SLC29A1: variants seen among roughly 807,000 people sequenced by gnomAD.
The protein encoded by SLC29A1 is equilibrative nucleoside transporter 1.
In SLC29A1, 22 loss-of-function variants were observed where a neutral mutation model predicts 48.3. The observed-to-expected ratio is 0.46, with a 90% CI of 0.33 to 0.65. SLC29A1 has a LOEUF of 0.65. SLC29A1 is among the 30% of genes least tolerant of loss of function. SLC29A1 has a pLI of 0.03. For missense variants in SLC29A1, 491 were observed against 575.3 expected (o/e 0.85, Z 1.50); for synonymous variants, 228 against 231.0 (o/e 0.99, Z 0.12).
In SLC29A1 at chr6:44,232,892, C is replaced by A; in HGVS notation, c.1145C>A (p.Pro382His). Reference protein sequence around the residue: ...VPLLLLCNIKPRRYLTVVFEH... With the variant: ...VPLLLLCNIKHRRYLTVVFEH... Reference sequence around the variant, plus strand: ...CTGCTGCTGCTGTGCAACATTAAGCCCCGCCGCTACCTGACTGTGGTCTTC... The same window carrying A: ...CTGCTGCTGCTGTGCAACATTAAGCACCGCCGCTACCTGACTGTGGTCTTC... The change falls in exon 12 of 13, where the codon CCC becomes CAC. Residue 382 changes from proline to histidine, a missense_variant. Transcript: ENST00000371755. The surrounding 1 kb of genome is among the most constrained non-coding windows in gnomAD (Gnocchi z 4.7). 6.2e-7 allele frequency: 1 copy of A among 1,614,168 alleles called. No individual in the cohort carries two copies. Among genetic ancestry groups the A allele is most frequent in the Non-Finnish European group, 8.5e-7 (1 of 1,180,054 alleles).
chr6:44,229,662 C>T lies in SLC29A1; in HGVS notation c.185C>T (p.Ala62Val), dbSNP rs1228778375. 18 of 1,614,132 alleles carry T rather than the reference C, an allele frequency of 1.1e-5. No homozygotes were observed. Among genetic ancestry groups the T allele is most frequent in the Middle Eastern group, 1.6e-4 (1 of 6,062 alleles). Reference sequence around the variant, plus strand: ...GCTGAACTGAGCAAGGACGCCCAGGCGTCAGCCGCCCCTGCAGCACCCTTG... The same window carrying T: ...GCTGAACTGAGCAAGGACGCCCAGGTGTCAGCCGCCCCTGCAGCACCCTTG... ...VTAELSKDAQASAAPAAPLPE... is the reference protein window; with the variant it reads ...VTAELSKDAQVSAAPAAPLPE... The change falls in exon 4 of 13, where the codon GCG becomes GTG. Residue 62 changes from alanine (A) to valine (V), a missense_variant. Physicochemically the swap from Ala to Val is moderately conservative, Grantham distance 64 (BLOSUM62 0). Transcript: ENST00000371755. The surrounding 1 kb of genome is among the most constrained non-coding windows in gnomAD (Gnocchi z 5.1).
At chr6:44,225,973 G>C in intron 1 of SLC29A1, 1 of 243,840 alleles carries the variant, frequency 4.1e-6, no homozygotes, top group Non-Finnish European at 6.6e-6. Context: ...TGCTTGCAAG[G>C]CTTCTCAGAA....
chr6:44,220,585 C>T (rs1224322836), upstream of SLC29A1, among the ~76,000 whole-genome samples: 29 of 150,270 alleles, frequency 1.9e-4, no homozygotes, highest in African/African-American at 6.6e-4. Flanking sequence ...GAGGCCAAGG[C>T]GGGCGGATCA....
upstream of SLC29A1, among the ~76,000 whole-genome samples, chr6:44,222,573 C>T (rs1353895287): frequency 6.6e-6 from 1 of 152,080 alleles, no homozygotes; most frequent in Non-Finnish European, 1.5e-5. Flanking sequence ...CCTTTCCAGC[C>T]TTAGGATCAT....
At chr6:44,230,069 C>G in intron 5 of SLC29A1, 23 bp downstream of exon 5, 1 of 1,602,654 alleles carries the variant, frequency 6.2e-7, no homozygotes, top group Non-Finnish European at 8.5e-7. Context: ...AGGAGGGGGC[C>G]TATGGGAGGA....
intron 2 of SLC29A1, among the ~76,000 whole-genome samples, chr6:44,228,310 C>G (rs964421155): frequency 6.6e-6 from 1 of 152,228 alleles, no homozygotes; most frequent in Admixed American, 6.5e-5. Context: ...GTACTCCCCC[C>G]AACCCCGATC....
chr6:44,231,262 A>G (rs1778799118), intron 8 of SLC29A1, 102 bp from the exon 9 acceptor site: 4 of 763,290 alleles, frequency 5.2e-6, no homozygotes, highest in Non-Finnish European at 9.2e-6. Context: ...CTGGTTAAGG[A>G]GGCGTCTACT....
Position 44,232,200 on chromosome 6 carries a change from C to G in SLC29A1, c.973+94C>G, listed in dbSNP as rs1779048537. On this transcript the variant is annotated intron_variant, in intron 10 of 12. Coordinates refer to ENST00000371755, the MANE Select transcript of SLC29A1 (RefSeq NM_001372327.1). The surrounding 1 kb of genome is among the most constrained non-coding windows in gnomAD (Gnocchi z 4.7). ...GAGGGAGCCTGGGTCACCTTCTCCCCGTTTCCTGGGTCCATTTGCCCTTCC... is the reference window on the plus strand; with the variant it reads ...GAGGGAGCCTGGGTCACCTTCTCCCGGTTTCCTGGGTCCATTTGCCCTTCC... 3 of 1,176,878 alleles carry G rather than the reference C, an allele frequency of 2.5e-6. No homozygotes were observed. In the South Asian group the frequency reaches 3.7e-5, roughly 14 times the overall value. The allele number at this position is 1,176,878 out of a possible 1,614,324, so 72.9% of individuals were successfully genotyped here. A position where few individuals can be genotyped will look rare whatever the true frequency, so the allele number is the denominator to read the frequency against.
rs534121849 is a variant in SLC29A1, at chr6:44,229,189, C to A, written c.30-201C>A. Among the ~76,000 whole-genome samples the A allele has an allele frequency of 1.1e-3, 175 of 152,270 alleles. No homozygotes were observed. The highest frequency in any genetic ancestry group is 4.0e-3 in the African/African-American group (167 of 41,548). ...TTCAGTCCTATGACCCTGACCCCAT[C>A]CCCACCCCAAATTCCAACGAGCAAT... On this transcript the variant is annotated intron_variant, in intron 2 of 12. Coordinates refer to ENST00000371755, the MANE Select transcript of SLC29A1 (RefSeq NM_001372327.1). This position sits in a 1 kb window ranked among gnomAD's most constrained non-coding sequence, Gnocchi z 5.1.
rs1561881389 is a variant in SLC29A1, at chr6:44,229,569, C to CCT, written c.112-15_112-14dup. 6.2e-7 allele frequency: 1 copy of CCT among 1,612,964 alleles called. No individual in the cohort carries two copies. The highest frequency in any genetic ancestry group is 8.5e-7 in the Non-Finnish European group (1 of 1,179,016). ...GCACAGGGAAAGAGATTTCAACACT[C>CCT]CTCTCTGCAACCCCTGCAGTATTTC... On this transcript the variant is annotated intron_variant, in intron 3 of 12. Coordinates refer to ENST00000371755, the MANE Select transcript of SLC29A1 (RefSeq NM_001372327.1). This position sits in a 1 kb window ranked among gnomAD's most constrained non-coding sequence, Gnocchi z 5.1.
Position 44,232,800 on chromosome 6 carries a change from C to G in SLC29A1, c.1060-7C>G. 6.2e-7 allele frequency: 1 copy of G among 1,608,476 alleles called. No individual in the cohort carries two copies. The highest frequency in any genetic ancestry group is 1.8e-4 in the Middle Eastern group (1 of 5,646). On this transcript the variant is annotated splice_region_variant and splice_polypyrimidine_tract_variant and intron_variant, in intron 11 of 12. Coordinates refer to ENST00000371755, the MANE Select transcript of SLC29A1 (RefSeq NM_001372327.1). The surrounding 1 kb of genome is among the most constrained non-coding windows in gnomAD (Gnocchi z 4.7). The stretch of plus-strand genomic sequence containing the variant: ...GCCTGGGCTGAGGCCCTGCCTGGTG[C>G]CCACAGCCTGGGAAGGACAGCCGCT...
In SLC29A1 at chr6:44,229,760, T is replaced by G. The variant is rs1288547120; in HGVS notation, c.283T>G (p.Phe95Val). The change falls in exon 4 of 13, where the codon TTC (phenylalanine) becomes GTC (valine). Residue 95 changes from phenylalanine (F) to valine (V), a missense_variant. Phe to Val is a conservative substitution (Grantham distance 50). Transcript: ENST00000371755. This position sits in a 1 kb window ranked among gnomAD's most constrained non-coding sequence, Gnocchi z 5.1. ...TLCAMLPLLL[F>V]TYLNSFLHQR... ...ATGTGCCATGCTGCCCCTGCTGTTA[T>G]TCACCTACCTCAACTCCTTCCTGCA... The G allele has an allele frequency of 6.2e-7, 1 of 1,613,776 alleles. No individual in the cohort carries two copies. Among genetic ancestry groups the G allele is most frequent in the Non-Finnish European group, 8.5e-7 (1 of 1,180,024 alleles).
chr6:44,230,197 C>A, intron 5 of SLC29A1, 150 bp from the exon 6 acceptor site: 1 of 1,471,064 alleles, frequency 6.8e-7, no homozygotes, highest in Non-Finnish European at 9.4e-7. Context: ...CCTGAGTGGG[C>A]CTGGACCAGG....
chr6:44,222,783 T>C (rs911383695), upstream of SLC29A1, among the ~76,000 whole-genome samples: 1 of 152,178 alleles, frequency 6.6e-6, no homozygotes, highest in Non-Finnish European at 1.5e-5. Flanking sequence ...GCTGGGACAA[T>C]AGGATTCACT....
chr6:44,232,033 C>T lies in SLC29A1; in HGVS notation c.900C>T (p.Phe300=). Reference sequence around the variant, plus strand: ...TGGCTTTCTCTGTCTGCTTCATCTTCACTATCACCATTGGGATGTTTCCAG... The same window carrying T: ...TGGCTTTCTCTGTCTGCTTCATCTTTACTATCACCATTGGGATGTTTCCAG... ...SVLAFSVCFI[F]TITIGMFPAV... The change falls in exon 10 of 13, where the codon TTC becomes TTT. Residue 300 remains phenylalanine, a synonymous_variant. Transcript: ENST00000371755. The surrounding 1 kb of genome is among the most constrained non-coding windows in gnomAD (Gnocchi z 4.7). 6.2e-7 allele frequency: 1 copy of T among 1,613,994 alleles called. No individual in the cohort carries two copies. The highest frequency in any genetic ancestry group is 8.5e-7 in the Non-Finnish European group (1 of 1,179,888).
chr6:44,226,768 C>G (rs868252408), intron 1 of SLC29A1: 33 of 1,001,246 alleles, frequency 3.3e-5, no homozygotes, highest in Middle Eastern at 5.1e-4. Context: ...TCGATGTTGT[C>G]GCAGCTGCTG....
Position 44,233,571 on chromosome 6 carries a change from C to A in SLC29A1, c.*43C>A. 6.8e-7 allele frequency: 1 copy of A among 1,466,058 alleles called. No individual in the cohort carries two copies. Among genetic ancestry groups the A allele is most frequent in the African/African-American group, 1.4e-5 (1 of 72,222 alleles). The allele number at this position is 1,466,058 out of a possible 1,614,324, so 90.8% of individuals were successfully genotyped here. A position where few individuals can be genotyped will look rare whatever the true frequency, so the allele number is the denominator to read the frequency against. ...GACTGCCTGCCTCCCTCCCTGTCTG[C>A]CTCCTGCCCCTTCCTTCTGCCAGGG... On this transcript the variant is annotated 3_prime_UTR_variant, in exon 13 of 13. Coordinates refer to ENST00000371755, the MANE Select transcript of SLC29A1 (RefSeq NM_001372327.1).
upstream of SLC29A1, chr6:44,223,516 GA>G (rs1263394061): frequency 1.9e-5 from 21 of 1,082,306 alleles, no homozygotes; most frequent in South Asian, 9.0e-5. This position sits in a 1 kb window ranked among gnomAD's most constrained non-coding sequence, Gnocchi z 5.0. Flanking sequence ...GGGCGTCGGG[GA>G]GGTGGCAGTG....
intron 1 of SLC29A1, among the ~76,000 whole-genome samples, chr6:44,225,182 A>G (rs1158522581): frequency 2.0e-5 from 3 of 152,192 alleles, no homozygotes; most frequent in Non-Finnish European, 4.4e-5. Flanking sequence ...GTAAGAACCT[A>G]GAGGAAGAGT....
Sources: gnomAD v4.1 joint callset for allele counts (sites outside exome capture counted in the v4.1 genomes callset) on GRCh38, gnomAD v4.1.1 for gene constraint, Gnocchi (gnomAD v3.1) non-coding constraint, MANE v1.5 for transcripts, NCBI Gene and HGNC (gene_info 2026-07-23, HGNC 2026-07-21) for gene names.